The following RNF111 variants were observed in gnomAD, a reference collection of about 807,000 sequenced individuals.
RNF111 encodes the protein E3 ubiquitin-protein ligase Arkadia.
Under a neutral mutation model 95.1 loss-of-function variants are expected in RNF111, and 17 were observed. That is an observed-to-expected ratio of 0.18 (90% confidence interval 0.12 to 0.27). The LOEUF is 0.27. Among genes scored for constraint, RNF111 ranks in the 10% least tolerant of loss-of-function variants. RNF111 has a pLI of 1.00. For missense variants in RNF111, 1,189 were observed against 1,210.4 expected (o/e 0.98, Z 0.26); for synonymous variants, 440 against 414.8 (o/e 1.06, Z -0.74).
chr15:59,022,987 C>T (rs1320976529), intron 1 of RNF111, among the ~76,000 whole-genome samples: 1 of 152,190 alleles, frequency 6.6e-6, no homozygotes, highest in East Asian at 1.9e-4. Flanking sequence ...TGGCTTACGC[C>T]TGTAATCCCA....
intron 2 of RNF111, among the ~76,000 whole-genome samples, chr15:59,042,460 T>A (rs2041512637): frequency 6.6e-6 from 1 of 152,192 alleles, no homozygotes; most frequent in African/African-American, 2.4e-5. Flanking sequence ...TTATCAACTT[T>A]TATTCTTACT....
At position 59,031,593 on chromosome 15, in the gene RNF111, T is replaced by G. The variant is rs2040910405; in HGVS notation, c.771T>G (p.Ser257Arg). Reference protein sequence around the residue: ...YALLPSSSSSSENDLSSESSS... With the variant: ...YALLPSSSSSRENDLSSESSS... Reference sequence around the variant, plus strand: ...TGCTACCTAGTTCTAGTAGTTCCAGTGAGAATGACCTCAGCAGTGAATCCT... The same window carrying G: ...TGCTACCTAGTTCTAGTAGTTCCAGGGAGAATGACCTCAGCAGTGAATCCT... Residue 257 changes from serine to arginine, a missense_variant, in exon 2 of 14, where the codon AGT becomes AGG. Ser to Arg is a moderately radical substitution (Grantham distance 110). Transcript: ENST00000348370. 3 of 1,614,040 alleles carry G rather than the reference T, an allele frequency of 1.9e-6. No individual in the cohort carries two copies. The highest frequency in any genetic ancestry group is 2.5e-6 in the Non-Finnish European group (3 of 1,180,004).
intron 2 of RNF111, among the ~76,000 whole-genome samples, chr15:59,032,844 C>T (rs879439123): frequency 1.3e-5 from 2 of 152,186 alleles, no homozygotes; most frequent in East Asian, 1.9e-4. Context: ...GGGACTATTT[C>T]CTATCAGTGC....
chr15:59,092,416 A>G (rs1338042214), intron 12 of RNF111, 121 bp from the exon 13 acceptor site: 7 of 1,060,350 alleles, frequency 6.6e-6, no homozygotes, highest in Non-Finnish European at 8.9e-6. Context: ...TTACCTGGGA[A>G]AAAAGTGCGG....
At chr15:59,062,327 G>A (rs756133435) in intron 5 of RNF111, among the ~76,000 whole-genome samples, 9 of 152,134 alleles carry the variant, frequency 5.9e-5, no homozygotes, top group Non-Finnish European at 1.0e-4. Context: ...ACAAGTGTGA[G>A]CCACCATGCC....
chr15:59,079,992 T>C (rs963470695), intron 7 of RNF111, among the ~76,000 whole-genome samples: 4 of 152,056 alleles, frequency 2.6e-5, no homozygotes, highest in Admixed American at 1.3e-4. Flanking sequence ...AGGCTAAGCA[T>C]GTAAATAGAT....
At chr15:59,037,970 T>C (rs2041264691) in intron 2 of RNF111, among the ~76,000 whole-genome samples, 1 of 152,236 alleles carries the variant, frequency 6.6e-6, no homozygotes, top group African/African-American at 2.4e-5. Flanking sequence ...GTTTTGTCTA[T>C]CTTGCTTTGA....
rs1040707607 is a variant in RNF111, at chr15:59,014,285, A to T, written c.-19-16519A>T. On this transcript the variant is annotated intron_variant, in intron 1 of 13. Transcript: ENST00000348370. ...GCTTGTATTTTCAATGCCCTGGTGA[A>T]ATCAGCTGTTTTGCCAAGAAACCTT... Among the ~76,000 whole-genome samples, 13 of 152,244 alleles carry T rather than the reference A, an allele frequency of 8.5e-5. No individual in the cohort carries two copies. In the South Asian group the frequency reaches 2.5e-3, roughly 29 times the overall value.
At chr15:59,090,316 G>A (rs563232601) in intron 11 of RNF111, among the ~76,000 whole-genome samples, 2 of 152,182 alleles carry the variant, frequency 1.3e-5, no homozygotes, top group South Asian at 2.1e-4. Context: ...TGCAACCTGC[G>A]CCTCCTGGGT....
Position 59,076,606 on chromosome 15 carries a change from T to C in RNF111, c.1948+391T>C, listed in dbSNP as rs564782312. Reference sequence around the variant, plus strand: ...TGGGCATGATGGCTCACTCCTGTAATCCCAGCACTTTGGGAGGCCAAGGCA... The same window carrying C: ...TGGGCATGATGGCTCACTCCTGTAACCCCAGCACTTTGGGAGGCCAAGGCA... On this transcript the variant is annotated intron_variant, in intron 7 of 13. Transcript: ENST00000348370. Among the ~76,000 whole-genome samples, 15 of 152,302 alleles carry C rather than the reference T, an allele frequency of 9.8e-5. 1 individual carries two copies. Among genetic ancestry groups the C allele is most frequent in the Admixed American group, 9.8e-4 (15 of 15,296 alleles).
intron 11 of RNF111, among the ~76,000 whole-genome samples, chr15:59,090,260 T>C (rs1202738564): frequency 4.6e-5 from 7 of 152,160 alleles, no homozygotes; most frequent in Non-Finnish European, 1.0e-4. Context: ...GATGGAGTCT[T>C]GCTCTGTCAC....
At chr15:59,069,873 A>C (rs2042831936) in intron 6 of RNF111, among the ~76,000 whole-genome samples, 1 of 151,900 alleles carries the variant, frequency 6.6e-6, no homozygotes, top group South Asian at 2.1e-4. Flanking sequence ...TTTGAGTGCC[A>C]GATTGTGCGT....
chr15:59,021,743 A>G lies in RNF111; in HGVS notation c.-19-9061A>G, dbSNP rs2040355489. ...AGTGATCCCTGGATCGAAAATCTAC[A>G]TCACTGTTCACTGTTTATCACTCAG... is the stretch of plus-strand genomic sequence containing the variant. On this transcript the variant is annotated intron_variant, in intron 1 of 13. Transcript: ENST00000348370. 2.0e-5 allele frequency among the ~76,000 whole-genome samples: 3 copies of G among 152,278 alleles called. No homozygotes were observed. In the South Asian group the frequency reaches 6.2e-4, roughly 32 times the overall value.
intron 5 of RNF111, among the ~76,000 whole-genome samples, chr15:59,063,664 C>T (rs145733177): frequency 3.0e-4 from 45 of 152,274 alleles, no homozygotes; most frequent in African/African-American, 1.1e-3. Context: ...TGGATGCAAG[C>T]CTGTTTGAGA....
Position 59,021,394 on chromosome 15 carries a change from G to T in RNF111, c.-19-9410G>T, listed in dbSNP as rs1567217585. Among the ~76,000 whole-genome samples the T allele has an allele frequency of 2.0e-5, 3 of 151,948 alleles. No individual in the cohort carries two copies. The South Asian group carries it at 6.2e-4, about 32-fold the overall frequency. On this transcript the variant is annotated intron_variant, in intron 1 of 13. Transcript: ENST00000348370. The stretch of plus-strand genomic sequence containing the variant: ...TCGAACTCCTGACCTCAATTCATCC[G>T]CCTGTCTCGGCCTCCCAAAGTGTTG...
chr15:59,001,276 G>C (rs1255228964), intron 1 of RNF111, among the ~76,000 whole-genome samples: 1 of 152,138 alleles, frequency 6.6e-6, no homozygotes, highest in African/African-American at 2.4e-5. Context: ...AAGGGTTCAT[G>C]TTCTTCAGTT....
At chr15:59,085,809 T>G (rs200448671) in intron 10 of RNF111, 24 bp downstream of exon 10, 1 of 1,605,148 alleles carries the variant, frequency 6.2e-7, no homozygotes, top group Admixed American at 1.7e-5. Context: ...TTTTCAAAAT[T>G]TTGACATGTT....
chr15:59,069,792 G>A (rs1226794766), intron 6 of RNF111, among the ~76,000 whole-genome samples: 1 of 151,984 alleles, frequency 6.6e-6, no homozygotes, highest in African/African-American at 2.4e-5. Context: ...ACCTATTTGG[G>A]TACAGCAGAA....
intron 1 of RNF111, among the ~76,000 whole-genome samples, chr15:59,015,876 G>T (rs933317081): frequency 6.6e-6 from 1 of 151,688 alleles, no homozygotes; most frequent in African/African-American, 2.4e-5. Context: ...TTATTTATTC[G>T]AGACAGGTTC....
Sources: gnomAD v4.1 joint callset for allele counts (sites outside exome capture counted in the v4.1 genomes callset) on GRCh38, gnomAD v4.1.1 for gene constraint, MANE v1.5 for transcripts, NCBI Gene and HGNC (gene_info 2026-07-23, HGNC 2026-07-21) for gene names.